KHNYN: variants seen among roughly 807,000 people sequenced by gnomAD.
KHNYN encodes the protein KH and NYN domain containing, also known as protein KHNYN.
Under a neutral mutation model 62.7 loss-of-function variants are expected in KHNYN, and 42 were observed. The ratio of observed to expected loss-of-function variants is 0.67; its 90% CI spans 0.52 to 0.87. The LOEUF (loss-of-function observed/expected upper bound fraction) is 0.87, where lower values mean the gene tolerates loss of function less well. Ranked by LOEUF, KHNYN falls within the 40% of genes least tolerant of loss-of-function variation. The pLI is 0.00. For missense variants in KHNYN, 829 were observed against 874.1 expected (o/e 0.95, Z 0.65); for synonymous variants, 347 against 345.6 (o/e 1.00, Z -0.04).
upstream of KHNYN, chr14:24,427,921 C>T (rs745976316): frequency 8.1e-6 from 13 of 1,613,954 alleles, no homozygotes; most frequent in Non-Finnish European, 9.3e-6. This position sits in a 1 kb window ranked among gnomAD's most constrained non-coding sequence, Gnocchi z 4.4. Context: ...TGGCTGCCTC[C>T]CGGGTCACGT....
upstream of KHNYN, among the ~76,000 whole-genome samples, chr14:24,424,337 T>G (rs984614046): frequency 2.0e-5 from 3 of 152,234 alleles, no homozygotes; most frequent in African/African-American, 7.2e-5. Flanking sequence ...AGCTGGTATT[T>G]ATCTTGTATA....
upstream of KHNYN, among the ~76,000 whole-genome samples, chr14:24,424,662 G>C (rs575958061): frequency 6.6e-6 from 1 of 152,318 alleles, no homozygotes; most frequent in African/African-American, 2.4e-5. Context: ...AGAAAGGTAG[G>C]CCTGAGAGAT....
intron 5 of KHNYN, among the ~76,000 whole-genome samples, chr14:24,435,059 C>T (rs76927300): frequency 6.6e-6 from 1 of 152,184 alleles, no homozygotes; most frequent in Non-Finnish European, 1.5e-5. Context: ...AAAAAGACCA[C>T]CACCCATCAC....
In KHNYN at chr14:24,430,940, C is replaced by G; in HGVS notation, c.201+9C>G. ...ACGCCAGCAGAGCCAAGGTGAACGC[C>G]TTCTCTCCCCCATCCCTCCAGGCAC... On this transcript the variant is annotated intron_variant, in intron 2 of 7. Coordinates refer to ENST00000553935, the MANE Select transcript of KHNYN (RefSeq NM_015299.3). The G allele has an allele frequency of 6.2e-7, 1 of 1,607,660 alleles. No individual in the cohort carries two copies. Among genetic ancestry groups the G allele is most frequent in the Non-Finnish European group, 8.5e-7 (1 of 1,175,402 alleles).
rs1445948529 is a variant in KHNYN at position 24,438,709 on chromosome 14, A to C, written c.*1424A>C. On this transcript the variant is annotated 3_prime_UTR_variant, in exon 8 of 8. Transcript: ENST00000553935. ...AGCCTAAAGTATGCTTTTCTGTTAC[A>C]TCCACCTTTGAGGCTGGTCATACCT... 2.0e-5 allele frequency: 3 copies of C among 152,192 alleles called. No homozygotes were observed. Among genetic ancestry groups the C allele is most frequent in the Non-Finnish European group, 4.4e-5 (3 of 68,040 alleles). The allele number at this position is 152,192 out of a possible 1,614,324, so 9.4% of individuals were successfully genotyped here. A position where few individuals can be genotyped will look rare whatever the true frequency, so the allele number is the denominator to read the frequency against.
chr14:24,438,616 A>G lies in KHNYN; in HGVS notation c.*1331A>G, dbSNP rs1413182564. 6.6e-6 allele frequency: 1 copy of G among 152,124 alleles called. No homozygotes were observed. Among genetic ancestry groups the G allele is most frequent in the East Asian group, 1.9e-4 (1 of 5,196 alleles). 9.4% of individuals were successfully genotyped at this position (152,124 alleles called of 1,614,324 possible). A position where few individuals can be genotyped will look rare whatever the true frequency, so the allele number is the denominator to read the frequency against. On this transcript the variant is annotated 3_prime_UTR_variant, in exon 8 of 8. Coordinates refer to ENST00000553935, the MANE Select transcript of KHNYN (RefSeq NM_015299.3). ...GCTTGAAGTCCTCCTGTGCCAGGGAATTTACTATCTCCAGGGTAGCACATT... is the reference window on the plus strand; with the variant it reads ...GCTTGAAGTCCTCCTGTGCCAGGGAGTTTACTATCTCCAGGGTAGCACATT...
At chr14:24,434,693 A>G (rs180776035) in intron 5 of KHNYN, among the ~76,000 whole-genome samples, 20 of 152,186 alleles carry the variant, frequency 1.3e-4, no homozygotes, top group African/African-American at 3.9e-4. Flanking sequence ...GTGAGCCACC[A>G]AGCCCGGCCA....
upstream of KHNYN, chr14:24,428,375 G>A (rs141000396): frequency 1.5e-5 from 24 of 1,613,736 alleles, no homozygotes; most frequent in Middle Eastern, 3.3e-4. Context: ...CCAGAGGCCC[G>A]GTCAAAGCCA....
upstream of KHNYN, chr14:24,428,188 A>G: frequency 6.7e-7 from 1 of 1,501,968 alleles, no homozygotes; most frequent in Admixed American, 1.8e-5. Flanking sequence ...CCTCCAGGAC[A>G]CAGGTCAATG....
rs971662193 is a variant in KHNYN, at chr14:24,439,342, A to G, written c.*2057A>G. On this transcript the variant is annotated 3_prime_UTR_variant, in exon 8 of 8. Transcript: ENST00000553935. ...GAGTGGCCCCAGTCAGATGAGAGGC[A>G]AGTCCTAAGCTTCTTATAGACAGGG... 2 of 152,232 alleles carry G rather than the reference A, an allele frequency of 1.3e-5. No individual in the cohort carries two copies. Among genetic ancestry groups the G allele is most frequent in the African/African-American group, 4.8e-5 (2 of 41,442 alleles). 9.4% of individuals were successfully genotyped at this position (152,232 alleles called of 1,614,324 possible).
At position 24,430,892 on chromosome 14, in the gene KHNYN, G is replaced by T. The variant is rs2043096767; in HGVS notation, c.162G>T (p.Leu54=). Residue 54 remains leucine (L), a synonymous_variant, in exon 2 of 8, where the codon CTG becomes CTT. Transcript: ENST00000553935. The stretch of plus-strand genomic sequence containing the variant: ...GTCCGGACAACCCCCACATCTGGCT[G>T]CAGCTGGAGGGCCCCAAGGAAAACG... ...KDCPDNPHIW[L]QLEGPKENAS... 2 of 1,613,908 alleles carry T rather than the reference G, an allele frequency of 1.2e-6. No homozygotes were observed. Among genetic ancestry groups the T allele is most frequent in the East Asian group, 4.5e-5 (2 of 44,872 alleles).
At position 24,436,209 on chromosome 14, in the gene KHNYN, C is replaced by T. The variant is rs769256385; in HGVS notation, c.1685+30C>T. ...GGGAGCCCTCCCGCTGAGAACTGGG[C>T]ACAGATGCAGATGTTTTTCTAAAGC... On this transcript the variant is annotated intron_variant, in intron 6 of 7. Transcript: ENST00000553935. 113 of 1,568,014 alleles carry T rather than the reference C, an allele frequency of 7.2e-5. No individual in the cohort carries two copies. In the Admixed American group the frequency reaches 1.9e-3, roughly 26 times the overall value.
intron 2 of KHNYN, 82 bp downstream of exon 2, chr14:24,431,013 A>T (rs150778454): frequency 7.8e-7 from 1 of 1,279,462 alleles, no homozygotes; most frequent in African/African-American, 1.5e-5. Flanking sequence ...CGAGGAGAGC[A>T]GGGAAGAGGA....
At chr14:24,428,744 A>G (rs771251138), upstream of KHNYN, 37 of 1,571,284 alleles carry the variant, frequency 2.4e-5, no homozygotes, top group Non-Finnish European at 3.2e-5. Flanking sequence ...GGACAGGGGT[A>G]GGGGGATTAC....
chr14:24,428,952 C>A (rs1237538084), upstream of KHNYN: 3 of 1,552,518 alleles, frequency 1.9e-6, no homozygotes, highest in African/African-American at 1.4e-5. Flanking sequence ...GGCTCTGACC[C>A]CTCCTGGGCC....
At position 24,433,025 on chromosome 14, in the gene KHNYN, G is replaced by C; in HGVS notation, c.1570G>C (p.Asp524His). The change falls in exon 5 of 8, where the codon GAT (aspartate) becomes CAT (histidine). Residue 524 changes from aspartate (D) to histidine (H), a missense_variant. This residue lies in a region of KHNYN where 270 missense variants were observed against 347.1 expected (regional missense o/e 0.78). Transcript: ENST00000553935. ...GGATGGCAAGAGGATCTCCTCCTATGATGACAGGTACTTGCTCCTCTCCTG... is the reference window on the plus strand; with the variant it reads ...GGATGGCAAGAGGATCTCCTCCTATCATGACAGGTACTTGCTCCTCTCCTG... Reference protein sequence around the residue: ...VMDGKRISSYDDRFMVKLAEE... With the variant: ...VMDGKRISSYHDRFMVKLAEE... 2 of 1,613,808 alleles carry C rather than the reference G, an allele frequency of 1.2e-6. No homozygotes were observed. The highest frequency in any genetic ancestry group is 8.5e-7 in the Non-Finnish European group (1 of 1,179,674).
Position 24,431,571 on chromosome 14 carries a change from G to T in KHNYN, c.310G>T (p.Ala104Ser). ...CCAGGGCTTCTTCCTTGACTGCCTG[G>T]CCTGGAGCACGTCAGCCCATCTGGT... ...GAQGFFLDCLAWSTSAHLVPR... is the reference protein window; with the variant it reads ...GAQGFFLDCLSWSTSAHLVPR... Residue 104 changes from alanine to serine, a missense_variant, in exon 3 of 8, where the codon GCC (alanine) becomes TCC (serine). Ala to Ser is a moderately conservative substitution (Grantham distance 99). Transcript: ENST00000553935. The T allele has an allele frequency of 6.2e-7, 1 of 1,613,230 alleles. No individual in the cohort carries two copies. The highest frequency in any genetic ancestry group is 1.3e-5 in the African/African-American group (1 of 75,036).
chr14:24,430,567 T>A, intron 1 of KHNYN, 147 bp from the exon 2 acceptor site: 1 of 1,430,054 alleles, frequency 7.0e-7, no homozygotes, highest in South Asian at 1.5e-5. Flanking sequence ...CCTCCCTACC[T>A]CCAGTGGACT....
upstream of KHNYN, chr14:24,428,644 G>C: frequency 7.7e-7 from 1 of 1,293,442 alleles, no homozygotes; most frequent in Non-Finnish European, 1.1e-6. Flanking sequence ...AGTGAAAGAT[G>C]TAGGAAGCTG....
Sources: gnomAD v4.1 joint callset for allele counts (sites outside exome capture counted in the v4.1 genomes callset) on GRCh38, gnomAD v4.1.1 for gene constraint, gnomAD v4.1.1 regional missense constraint, Gnocchi (gnomAD v3.1) non-coding constraint, MANE v1.5 for transcripts, NCBI Gene and HGNC (gene_info 2026-07-23, HGNC 2026-07-21) for gene names.